NEK5: variants seen among roughly 807,000 people sequenced by gnomAD.
NEK5 encodes the protein serine/threonine-protein kinase Nek5.
A neutral mutation model predicts 109.2 loss-of-function variants in NEK5; 88 were observed. The ratio of observed to expected loss-of-function variants is 0.81; its 90% CI spans 0.68 to 0.96. The LOEUF is 0.96. Ranked by LOEUF, NEK5 falls within the 40% of genes least tolerant of loss-of-function variation. The pLI, the probability that NEK5 is intolerant of heterozygous loss-of-function variation, is 0.00. For synonymous variants in NEK5, 283 were observed against 299.9 expected (o/e 0.94, Z 0.58); for missense variants, 834 against 920.7 (o/e 0.91, Z 1.22).
intron 3 of NEK5, among the ~76,000 whole-genome samples, chr13:52,120,211 G>A (rs1477694597): frequency 6.6e-6 from 1 of 152,108 alleles, no homozygotes; most frequent in Non-Finnish European, 1.5e-5. Flanking sequence ...CATCTCAGCT[G>A]AAGGATCCTT....
chr13:52,091,464 CT>C (rs1245981313), intron 13 of NEK5, among the ~76,000 whole-genome samples: 14 of 152,182 alleles, frequency 9.2e-5, no homozygotes, highest in African/African-American at 3.1e-4. Context: ...TGCCCAATAT[CT>C]TTAAAGATAA....
At chr13:52,079,155 T>C (rs1954922707) in intron 17 of NEK5, among the ~76,000 whole-genome samples, 1 of 152,224 alleles carries the variant, frequency 6.6e-6, no homozygotes, top group Admixed American at 6.5e-5. Context: ...CCAGGAGGTC[T>C]GATAGATGTG....
intron 19 of NEK5, among the ~76,000 whole-genome samples, chr13:52,074,853 G>A (rs1018937318): frequency 2.0e-5 from 3 of 152,080 alleles, no homozygotes; most frequent in African/African-American, 7.2e-5. Flanking sequence ...CATACAAGCA[G>A]CCAACAAATA....
At chr13:52,049,566 G>T (rs1461118806) in intron 23 of NEK5, among the ~76,000 whole-genome samples, 1 of 151,858 alleles carries the variant, frequency 6.6e-6, no homozygotes, top group Non-Finnish European at 1.5e-5. Flanking sequence ...ATGCAAAGAG[G>T]TACAGCAGGG....
At chr13:52,045,764 CAAAA>C (rs769932877) in intron 23 of NEK5, among the ~76,000 whole-genome samples, 2 of 63,150 alleles carry the variant, frequency 3.2e-5, no homozygotes, top group Admixed American at 2.0e-4. Flanking sequence ...GACTCTGTCT[CAAAA>C]AAAAAAAAAA....
chr13:52,054,625 A>G (rs573868271), intron 22 of NEK5, among the ~76,000 whole-genome samples: 80 of 152,370 alleles, frequency 5.3e-4, no homozygotes, highest in African/African-American at 1.4e-3. Flanking sequence ...CTGCCTCCTC[A>G]AGTGGGTCCC....
chr13:52,115,619 A>G (rs1457886842), intron 4 of NEK5, among the ~76,000 whole-genome samples: 2 of 150,444 alleles, frequency 1.3e-5, no homozygotes, highest in Non-Finnish European at 3.0e-5. Flanking sequence ...AAAAAAAAAA[A>G]AAAAAAAAGA....
chr13:52,110,724 T>C, intron 5 of NEK5, 147 bp from the exon 6 acceptor site: 1 of 510,292 alleles, frequency 2.0e-6, no homozygotes. Context: ...GGAATGAAGT[T>C]AATAGGTACA....
chr13:52,064,214 C>T (rs554799156), intron 21 of NEK5, among the ~76,000 whole-genome samples: 84 of 141,810 alleles, frequency 5.9e-4, no homozygotes, highest in Admixed American at 2.9e-3. Context: ...CCGCCCCGTC[C>T]GGGAGGGAGG....
Position 52,069,672 on chromosome 13 carries a change from CTG to C in NEK5, c.1849+2270_1849+2271del, listed in dbSNP as rs148006088. On this transcript the variant is annotated intron_variant, in intron 20 of 23. Transcript: ENST00000684899. ...AGCTTCATGCATTTGAATTAGAAAACTGGGAATATCCTTGAGCCCCTTCTCTT... is the reference window on the plus strand; with the variant it reads ...AGCTTCATGCATTTGAATTAGAAAACGGAATATCCTTGAGCCCCTTCTCTT... 1.8e-3 allele frequency among the ~76,000 whole-genome samples: 276 copies of C among 152,312 alleles called. 2 individuals are homozygous for C. The highest frequency in any genetic ancestry group is 6.2e-3 in the African/African-American group (258 of 41,554).
intron 23 of NEK5, among the ~76,000 whole-genome samples, chr13:52,047,728 C>A (rs1280966543): frequency 6.6e-6 from 1 of 151,968 alleles, no homozygotes; most frequent in Non-Finnish European, 1.5e-5. Context: ...CCTGTAGTCC[C>A]AGCTATTCTG....
At chr13:52,072,920 G>T (rs559414722) in intron 19 of NEK5, among the ~76,000 whole-genome samples, 34 of 152,214 alleles carry the variant, frequency 2.2e-4, no homozygotes, top group African/African-American at 8.2e-4. Context: ...ATAAAACCAG[G>T]ATAAAAAAAG....
intron 17 of NEK5, among the ~76,000 whole-genome samples, chr13:52,080,808 T>C (rs1246915293): frequency 1.3e-5 from 2 of 151,858 alleles, no homozygotes; most frequent in African/African-American, 4.8e-5. Flanking sequence ...GTTCACTTGT[T>C]TGTCTGCTGA....
chr13:52,121,972 G>T lies in NEK5; in HGVS notation c.118-2557C>A, dbSNP rs138558422. On this transcript the variant is annotated intron_variant, in intron 3 of 23. Coordinates refer to ENST00000684899, the MANE Select transcript of NEK5 (RefSeq NM_001365552.1). ...TTTTAAGACAGAGTTCTGCTATGTT[G>T]TCTAAGCTGGATTTTAACTCCTGGG... is the stretch of plus-strand genomic sequence containing the variant. Among the ~76,000 whole-genome samples the T allele has an allele frequency of 5.4e-3, 798 of 148,648 alleles. 6 individuals are homozygous for T. The highest frequency in any genetic ancestry group is 8.4e-3 in the Non-Finnish European group (568 of 67,342).
intron 9 of NEK5, among the ~76,000 whole-genome samples, chr13:52,102,860 A>T (rs1287012708): frequency 6.6e-6 from 1 of 152,192 alleles, no homozygotes; most frequent in Admixed American, 6.6e-5. Flanking sequence ...TACTCATAAT[A>T]AAAAAACTGG....
intron 17 of NEK5, among the ~76,000 whole-genome samples, chr13:52,082,794 G>A (rs925285574): frequency 2.6e-5 from 4 of 152,212 alleles, no homozygotes; most frequent in Non-Finnish European, 5.9e-5. Context: ...GCAAGCTTCT[G>A]CAGACAGAAT....
intron 23 of NEK5, among the ~76,000 whole-genome samples, chr13:52,043,057 T>TGAAAATAAAAGAATA (rs1283041118): frequency 1.3e-5 from 2 of 149,644 alleles, no homozygotes; most frequent in Non-Finnish European, 3.0e-5. Context: ...CACAAAGAAA[T>TGAAAATAAAAGAATA]GATGAAAATA....
intron 22 of NEK5, among the ~76,000 whole-genome samples, chr13:52,054,854 C>T (rs1173538857): frequency 2.0e-5 from 3 of 152,102 alleles, no homozygotes; most frequent in Non-Finnish European, 4.4e-5. Context: ...GGGGAAAAAA[C>T]AGAGCAGAAA....
Position 52,035,979 on chromosome 13 carries a change from T to C in NEK5, c.*969A>G, listed in dbSNP as rs2140865653. 1 of 152,242 alleles carries C rather than the reference T, an allele frequency of 6.6e-6. No individual in the cohort carries two copies. The highest frequency in any genetic ancestry group is 6.5e-5 in the Admixed American group (1 of 15,286). 9.4% of individuals were successfully genotyped at this position (152,242 alleles called of 1,614,324 possible). The stretch of plus-strand genomic sequence containing the variant: ...TTTCTATTGCTGTCCTAACAAATTA[T>C]CACAAACTTAGTTAACACAAATTTA... On this transcript the variant is annotated 3_prime_UTR_variant, in exon 24 of 24. Transcript: ENST00000684899.
Sources: gnomAD v4.1 joint callset for allele counts (sites outside exome capture counted in the v4.1 genomes callset) on GRCh38, gnomAD v4.1.1 for gene constraint, MANE v1.5 for transcripts, NCBI Gene and HGNC (gene_info 2026-07-23, HGNC 2026-07-21) for gene names.